The following TAFA4 variants were observed in gnomAD, a reference collection of about 807,000 sequenced individuals.
TAFA4 encodes the protein chemokine-like protein TAFA-4.
In TAFA4, 20 loss-of-function variants were observed where a neutral mutation model predicts 21.1. That is an observed-to-expected ratio of 0.95 (90% CI 0.67 to 1.38). The LOEUF (loss-of-function observed/expected upper bound fraction) is 1.38, where lower values mean the gene tolerates loss of function less well. Among genes scored for constraint, TAFA4 ranks in the 40% most tolerant of loss-of-function variants. The pLI is 0.00. For synonymous variants in TAFA4, 71 were observed against 67.4 expected (o/e 1.05, Z -0.26); for missense variants, 211 against 180.9 (o/e 1.17, Z -0.95).
chr3:68,812,965 A>G (rs1484490832), intron 3 of TAFA4, among the ~76,000 whole-genome samples: 1 of 152,198 alleles, frequency 6.6e-6, no homozygotes, highest in Non-Finnish European at 1.5e-5. Context: ...CAGAAATTAT[A>G]ACAAACTGTC....
intron 1 of TAFA4, among the ~76,000 whole-genome samples, chr3:68,895,721 T>C (rs2089781854): frequency 6.6e-6 from 1 of 152,198 alleles, no homozygotes; most frequent in South Asian, 2.1e-4. Context: ...ATCAACTCTC[T>C]GTGCCAGAGC....
At chr3:68,747,745 G>T (rs987307637) in intron 4 of TAFA4, among the ~76,000 whole-genome samples, 1 of 151,960 alleles carries the variant, frequency 6.6e-6, no homozygotes, top group Non-Finnish European at 1.5e-5. Flanking sequence ...CTCCTTCTCC[G>T]GAATCTTACA....
chr3:68,813,294 A>G (rs1303352565), intron 3 of TAFA4, among the ~76,000 whole-genome samples: 2 of 152,208 alleles, frequency 1.3e-5, no homozygotes, highest in Admixed American at 1.3e-4. Flanking sequence ...CACATTCAAA[A>G]GCTAGCAGAA....
chr3:68,916,956 A>C (rs1204903881), intron 1 of TAFA4, among the ~76,000 whole-genome samples: 2 of 152,220 alleles, frequency 1.3e-5, no homozygotes, highest in African/African-American at 4.8e-5. Context: ...TGTAAAACAT[A>C]GTCCTGATTC....
chr3:68,733,259 T>C (rs1412335460), intron 5 of TAFA4, 106 bp from the exon 6 acceptor site: 3 of 1,408,330 alleles, frequency 2.1e-6, no homozygotes, highest in East Asian at 2.3e-5. Context: ...CTTTATCAGT[T>C]TGTACATTTA....
chr3:68,916,463 G>A (rs927690836), intron 1 of TAFA4, among the ~76,000 whole-genome samples: 14 of 151,806 alleles, frequency 9.2e-5, no homozygotes, highest in Admixed American at 6.6e-5. Flanking sequence ...CCCATCACTC[G>A]GATTTTACAG....
chr3:68,786,461 A>G (rs1047765223), intron 3 of TAFA4, among the ~76,000 whole-genome samples: 1 of 152,182 alleles, frequency 6.6e-6, no homozygotes, highest in African/African-American at 2.4e-5. Flanking sequence ...ACTGCATTCC[A>G]GACTGGGCAA....
chr3:68,905,927 C>A (rs544381529), intron 1 of TAFA4, among the ~76,000 whole-genome samples: 1 of 152,322 alleles, frequency 6.6e-6, no homozygotes, highest in Non-Finnish European at 1.5e-5. Context: ...CTGCCATCCA[C>A]GGATCACTGA....
At chr3:68,868,701 A>T (rs2089447501) in intron 3 of TAFA4, among the ~76,000 whole-genome samples, 1 of 152,026 alleles carries the variant, frequency 6.6e-6, no homozygotes, top group Non-Finnish European at 1.5e-5. Flanking sequence ...AAGGAATGAA[A>T]ATGTAAACAA....
chr3:68,800,703 G>A (rs1331371575), intron 3 of TAFA4, among the ~76,000 whole-genome samples: 4 of 152,214 alleles, frequency 2.6e-5, no homozygotes, highest in Non-Finnish European at 4.4e-5. Context: ...AGAATGGGGA[G>A]GCCACTCTTG....
chr3:68,790,187 T>C (rs1703336041), intron 3 of TAFA4, among the ~76,000 whole-genome samples: 1 of 98,336 alleles, frequency 1.0e-5, no homozygotes, highest in Admixed American at 1.0e-4. Flanking sequence ...GTGAGGCTTC[T>C]ACGTTTTGCT....
Position 68,883,633 on chromosome 3 carries a change from G to GT in TAFA4, c.14+1541dup, listed in dbSNP as rs1206099707. Among the ~76,000 whole-genome samples the GT allele has an allele frequency of 8.5e-5, 13 of 152,288 alleles. No homozygotes were observed. The East Asian group carries it at 2.3e-3, about 27-fold the overall frequency. ...AATATCTCTAATACAAAGAGAAAGA[G>GT]TTTAACTTGATAAAACCATAAATTG... On this transcript the variant is annotated intron_variant, in intron 2 of 5. Coordinates refer to ENST00000295569, the MANE Select transcript of TAFA4 (RefSeq NM_182522.5).
At chr3:68,907,232 C>A (rs559274636) in intron 1 of TAFA4, among the ~76,000 whole-genome samples, 1 of 152,018 alleles carries the variant, frequency 6.6e-6, no homozygotes, top group African/African-American at 2.4e-5. Flanking sequence ...TCCAAAGTAG[C>A]CACAGAAATT....
chr3:68,843,615 T>G (rs1704719577), intron 3 of TAFA4, among the ~76,000 whole-genome samples: 1 of 152,218 alleles, frequency 6.6e-6, no homozygotes, highest in South Asian at 2.1e-4. Flanking sequence ...GGGGAATGCT[T>G]CCACGTTTTG....
chr3:68,786,180 A>G (rs577552122), intron 3 of TAFA4, among the ~76,000 whole-genome samples: 1 of 152,366 alleles, frequency 6.6e-6, no homozygotes, highest in Admixed American at 6.5e-5. Flanking sequence ...ATAAGTTTAG[A>G]AAAGTACTGG....
chr3:68,857,331 A>G (rs990743808), intron 3 of TAFA4, among the ~76,000 whole-genome samples: 1 of 152,186 alleles, frequency 6.6e-6, no homozygotes, highest in Non-Finnish European at 1.5e-5. Flanking sequence ...TGATTTGCTA[A>G]GTACATTAAG....
At chr3:68,741,174 T>C (rs1409066896) in intron 4 of TAFA4, among the ~76,000 whole-genome samples, 1 of 152,206 alleles carries the variant, frequency 6.6e-6, no homozygotes, top group Non-Finnish European at 1.5e-5. Flanking sequence ...TTTCTATCTT[T>C]GTGGAAAATG....
At chr3:68,801,174 G>T (rs945843634) in intron 3 of TAFA4, among the ~76,000 whole-genome samples, 8 of 152,182 alleles carry the variant, frequency 5.3e-5, no homozygotes, top group African/African-American at 1.4e-4. Flanking sequence ...AGAGATAAAA[G>T]ATTTAATAAA....
intron 1 of TAFA4, among the ~76,000 whole-genome samples, chr3:68,925,434 GAGA>G (rs1374786380): frequency 1.3e-5 from 2 of 152,164 alleles, no homozygotes; most frequent in African/African-American, 4.8e-5. Flanking sequence ...GATACATACA[GAGA>G]AGAATTCACC....
Sources: allele counts gnomAD v4.1 joint callset (sites outside exome capture counted in the v4.1 genomes callset), GRCh38; gene constraint gnomAD v4.1.1; transcripts MANE v1.5; gene names NCBI Gene and HGNC (gene_info 2026-07-23, HGNC 2026-07-21).